ATF7IP2: variants seen among roughly 807,000 people sequenced by gnomAD.
The protein encoded by ATF7IP2 is activating transcription factor 7-interacting protein 2.
ATF7IP2 carries 42 observed loss-of-function variants against 64.2 expected under a neutral mutation model. That is an observed-to-expected ratio of 0.65 (90% CI 0.51 to 0.85). ATF7IP2 has a LOEUF of 0.85. Ranked by LOEUF, ATF7IP2 falls within the 40% of genes least tolerant of loss-of-function variation. The pLI, the probability that ATF7IP2 is intolerant of heterozygous loss-of-function variation, is 0.00. For missense variants in ATF7IP2, 933 were observed against 784.2 expected (o/e 1.19, Z -2.27); for synonymous variants, 308 against 272.8 (o/e 1.13, Z -1.27).
chr16:10,470,397 A>T (rs962880646), intron 9 of ATF7IP2, among the ~76,000 whole-genome samples: 1 of 152,184 alleles, frequency 6.6e-6, no homozygotes, highest in African/African-American at 2.4e-5. Context: ...GTGGTGAGAT[A>T]TGTAACTTTC....
chr16:10,434,283 G>C (rs1418316244), intron 6 of ATF7IP2, among the ~76,000 whole-genome samples: 2 of 152,128 alleles, frequency 1.3e-5, no homozygotes. Context: ...GCGTGTTTCA[G>C]TTCTAGTAGA....
chr16:10,389,948 T>A (rs1289806340), intron 1 of ATF7IP2, among the ~76,000 whole-genome samples: 1 of 152,228 alleles, frequency 6.6e-6, no homozygotes, highest in Non-Finnish European at 1.5e-5. Flanking sequence ...TCATAATAAC[T>A]GTTTTGTGTT....
At chr16:10,474,363 A>T (rs989362919) in intron 12 of ATF7IP2, among the ~76,000 whole-genome samples, 1 of 152,216 alleles carries the variant, frequency 6.6e-6, no homozygotes, top group African/African-American at 2.4e-5. Flanking sequence ...TATTGCCAAG[A>T]GTAGCCCGTG....
intron 1 of ATF7IP2, among the ~76,000 whole-genome samples, chr16:10,396,820 A>AC: frequency 7.0e-6 from 1 of 142,022 alleles, no homozygotes; most frequent in Admixed American, 6.9e-5. Context: ...TGACTAATTA[A>AC]AAAAAAAATT....
chr16:10,408,008 TTC>T (rs1223234849), intron 1 of ATF7IP2, among the ~76,000 whole-genome samples: 1 of 151,834 alleles, frequency 6.6e-6, no homozygotes, highest in Non-Finnish European at 1.5e-5. Context: ...GCCTCCTGGG[TTC>T]AAGCGATTCT....
chr16:10,433,989 C>G (rs896669592), intron 6 of ATF7IP2, among the ~76,000 whole-genome samples: 3 of 152,164 alleles, frequency 2.0e-5, no homozygotes, highest in Non-Finnish European at 4.4e-5. Flanking sequence ...AGAATCCAGT[C>G]TCTTTTGTAC....
In ATF7IP2 at chr16:10,444,277, G is replaced by GT. The variant is rs529294590; in HGVS notation, c.1194+3816dup. On this transcript the variant is annotated intron_variant, in intron 8 of 13. Coordinates refer to ENST00000562102, the MANE Select transcript of ATF7IP2 (RefSeq NM_001393719.1). ...TAGTTTGGAAGGTGTTGGCCCGGGAGTGACAACCTATGCCTCCAAAGGGGG... is the reference window on the plus strand; with the variant it reads ...TAGTTTGGAAGGTGTTGGCCCGGGAGTTGACAACCTATGCCTCCAAAGGGGG... Among the ~76,000 whole-genome samples the GT allele has an allele frequency of 6.1e-3, 933 of 152,306 alleles. 12 individuals are homozygous for GT. Among genetic ancestry groups the GT allele is most frequent in the South Asian group, 0.011 (51 of 4,820 alleles).
At chr16:10,417,017 C>A (rs867533831) in intron 2 of ATF7IP2, among the ~76,000 whole-genome samples, 1 of 151,956 alleles carries the variant, frequency 6.6e-6, no homozygotes, top group African/African-American at 2.4e-5. Flanking sequence ...ATCTTATGTA[C>A]GCACAGAAGT....
intron 12 of ATF7IP2, among the ~76,000 whole-genome samples, chr16:10,477,126 G>A (rs775378310): frequency 5.9e-5 from 9 of 152,196 alleles, no homozygotes; most frequent in Non-Finnish European, 1.0e-4. Flanking sequence ...CCTGTATACA[G>A]CAGAAGAAAC....
At chr16:10,397,708 C>A (rs1417080821) in intron 1 of ATF7IP2, among the ~76,000 whole-genome samples, 1 of 151,866 alleles carries the variant, frequency 6.6e-6, no homozygotes, top group East Asian at 1.9e-4. Context: ...AAAACCCTGT[C>A]TCTGCAGGAA....
chr16:10,400,554 C>G (rs760732733), intron 1 of ATF7IP2, among the ~76,000 whole-genome samples: 2 of 152,110 alleles, frequency 1.3e-5, no homozygotes, highest in Non-Finnish European at 2.9e-5. Flanking sequence ...AAGTGGGCAT[C>G]TTTGTTTTGT....
intron 9 of ATF7IP2, among the ~76,000 whole-genome samples, chr16:10,462,763 T>C (rs1469552205): frequency 6.6e-6 from 1 of 152,190 alleles, no homozygotes; most frequent in Non-Finnish European, 1.5e-5. Context: ...GGGAAAATTC[T>C]TGACATTATT....
chr16:10,444,583 C>A (rs1408144360), intron 8 of ATF7IP2, among the ~76,000 whole-genome samples: 1 of 152,118 alleles, frequency 6.6e-6, no homozygotes, highest in Non-Finnish European at 1.5e-5. Flanking sequence ...AGAAGATAGA[C>A]CAAGTACGTA....
At chr16:10,441,408 A>G (rs182223745) in intron 8 of ATF7IP2, among the ~76,000 whole-genome samples, 50 of 152,246 alleles carry the variant, frequency 3.3e-4, no homozygotes, top group Non-Finnish European at 5.9e-5. Flanking sequence ...CATCCTCTCC[A>G]GCATCTGTTG....
chr16:10,406,586 A>C (rs566094887), intron 1 of ATF7IP2, among the ~76,000 whole-genome samples: 1 of 152,356 alleles, frequency 6.6e-6, no homozygotes, highest in South Asian at 2.1e-4. Context: ...ACTATGAAAA[A>C]GAACACCTCA....
At chr16:10,404,454 C>T (rs538048730) in intron 1 of ATF7IP2, among the ~76,000 whole-genome samples, 29 of 152,142 alleles carry the variant, frequency 1.9e-4, no homozygotes, top group Admixed American at 5.9e-4. Flanking sequence ...CATGTTGGCC[C>T]GGCCGGTCTT....
chr16:10,482,287 A>ATTTG lies in ATF7IP2; in HGVS notation c.*47_*50dup, dbSNP rs768017663. On this transcript the variant is annotated 3_prime_UTR_variant, in exon 14 of 14. Transcript: ENST00000562102. ...AATGATATACTACTTTTTTTTTCAT[A>ATTTG]TTTGTTTGTTTGCAATGTTACTGTA... is the stretch of plus-strand genomic sequence containing the variant. 25 of 1,445,560 alleles carry ATTTG rather than the reference A, an allele frequency of 1.7e-5. No individual in the cohort carries two copies. The highest frequency in any genetic ancestry group is 2.3e-5 in the Non-Finnish European group (25 of 1,066,758). 89.5% of individuals were successfully genotyped at this position (1,445,560 alleles called of 1,614,324 possible).
intron 3 of ATF7IP2, among the ~76,000 whole-genome samples, chr16:10,423,651 G>A (rs2048029842): frequency 6.6e-6 from 1 of 152,144 alleles, no homozygotes; most frequent in Admixed American, 6.5e-5. Flanking sequence ...TAATGAGGGG[G>A]TGCAGAAGGG....
intron 8 of ATF7IP2, chr16:10,454,259 A>C (rs2049091556): frequency 6.6e-6 from 1 of 151,668 alleles, no homozygotes; most frequent in African/African-American, 2.4e-5. Context: ...AAATACAAAA[A>C]ATTAGCCGGG....
Sources: allele counts gnomAD v4.1 joint callset (sites outside exome capture counted in the v4.1 genomes callset), GRCh38; gene constraint gnomAD v4.1.1; transcripts MANE v1.5; gene names NCBI Gene and HGNC (gene_info 2026-07-23, HGNC 2026-07-21).